The following TMEM232 variants were observed in gnomAD, a reference collection of about 807,000 sequenced individuals.
TMEM232 encodes transmembrane protein 232.
TMEM232 carries 80 observed loss-of-function variants against 78.8 expected under a neutral mutation model. The observed-to-expected ratio is 1.01, with a 90% CI of 0.85 to 1.22. The LOEUF (loss-of-function observed/expected upper bound fraction) is 1.22. Among genes scored for constraint, TMEM232 ranks in the 50% most tolerant of loss-of-function variants. The pLI is 0.00. For missense variants in TMEM232, 881 were observed against 742.2 expected, an observed-to-expected ratio of 1.19 and a Z score of -2.17; for synonymous variants, 297 against 254.3, an observed-to-expected ratio of 1.17 and a Z score of -1.60.
chr5:110,630,797 G>T (rs950803865), intron 5 of TMEM232, among the ~76,000 whole-genome samples: 1 of 152,068 alleles, frequency 6.6e-6, no homozygotes, highest in Non-Finnish European at 1.5e-5. Flanking sequence ...AACACATAGG[G>T]GCTTGCTATT....
intron 1 of TMEM232, among the ~76,000 whole-genome samples, chr5:110,718,568 G>A (rs551109802): frequency 1.3e-5 from 2 of 152,164 alleles, no homozygotes; most frequent in African/African-American, 2.4e-5. Context: ...AAACGTCTGA[G>A]AGTGGATTTC....
At chr5:110,522,869 T>C (rs1337301645) in intron 12 of TMEM232, among the ~76,000 whole-genome samples, 1 of 152,154 alleles carries the variant, frequency 6.6e-6, no homozygotes, top group African/African-American at 2.4e-5. Flanking sequence ...TATTGGTGTA[T>C]AATTCTCCTG....
chr5:110,569,620 C>A (rs1776715133), intron 10 of TMEM232, among the ~76,000 whole-genome samples: 1 of 151,788 alleles, frequency 6.6e-6, no homozygotes, highest in Non-Finnish European at 1.5e-5. Flanking sequence ...ATGATTATTG[C>A]CCTTCTTGAA....
At chr5:110,524,534 T>C (rs1303613636) in intron 12 of TMEM232, among the ~76,000 whole-genome samples, 1 of 152,182 alleles carries the variant, frequency 6.6e-6, no homozygotes, top group Non-Finnish European at 1.5e-5. Context: ...TCTATCTTTT[T>C]GAATTTGTTA....
intron 11 of TMEM232, among the ~76,000 whole-genome samples, chr5:110,533,810 G>C (rs1771914151): frequency 6.6e-6 from 1 of 152,048 alleles, no homozygotes; most frequent in Admixed American, 6.6e-5. Context: ...ATCACACTTA[G>C]TTTATTAATG....
At chr5:110,564,776 G>A (rs1034965339) in intron 11 of TMEM232, among the ~76,000 whole-genome samples, 1 of 151,968 alleles carries the variant, frequency 6.6e-6, no homozygotes, top group Admixed American at 6.6e-5. Context: ...GGAATGCCAA[G>A]TGCTGGACCT....
chr5:110,412,574 T>C (rs1756039015), intron 2 of TMEM232, among the ~76,000 whole-genome samples: 1 of 152,068 alleles, frequency 6.6e-6, no homozygotes, highest in Admixed American at 6.6e-5. Context: ...ACTCTTTTTT[T>C]TTTTTATCAG....
At chr5:110,490,588 A>C (rs1173195904) in intron 12 of TMEM232, among the ~76,000 whole-genome samples, 1 of 152,092 alleles carries the variant, frequency 6.6e-6, no homozygotes, top group Non-Finnish European at 1.5e-5. Context: ...AACTTTGAAG[A>C]CTCTACACTT....
upstream of TMEM232, among the ~76,000 whole-genome samples, chr5:110,729,934 C>A (rs994108681): frequency 2.0e-5 from 3 of 152,198 alleles, no homozygotes; most frequent in Non-Finnish European, 4.4e-5. Flanking sequence ...AGCCTTCCAA[C>A]GCAATGACTG....
At chr5:110,619,161 A>G (rs1783323902) in intron 7 of TMEM232, among the ~76,000 whole-genome samples, 1 of 152,132 alleles carries the variant, frequency 6.6e-6, no homozygotes, top group Admixed American at 6.5e-5. Flanking sequence ...CACTCTCTGA[A>G]TTTTTGCCAA....
At chr5:110,449,188 T>A (rs895541719) in intron 12 of TMEM232, among the ~76,000 whole-genome samples, 2 of 152,084 alleles carry the variant, frequency 1.3e-5, no homozygotes, top group African/African-American at 2.4e-5. Flanking sequence ...AGGGTAATTT[T>A]ATATTGAAAA....
At chr5:110,680,224 C>T (rs1449960024) in intron 1 of TMEM232, among the ~76,000 whole-genome samples, 2 of 151,678 alleles carry the variant, frequency 1.3e-5, no homozygotes, top group African/African-American at 4.8e-5. Flanking sequence ...CATGGTGAAA[C>T]CCCTTCTCTA....
At chr5:110,396,632 T>A (rs193298518) in intron 3 of TMEM232, among the ~76,000 whole-genome samples, 13 of 152,128 alleles carry the variant, frequency 8.5e-5, no homozygotes, top group Non-Finnish European at 1.8e-4. Context: ...ATCAGTGATA[T>A]GTGATAAATA....
chr5:110,562,172 C>G (rs1039235719), intron 11 of TMEM232, among the ~76,000 whole-genome samples: 2 of 152,010 alleles, frequency 1.3e-5, no homozygotes, highest in African/African-American at 4.8e-5. Context: ...CAATTAGAAC[C>G]AACAATTTTC....
At chr5:110,472,907 T>C (rs958111060) in intron 12 of TMEM232, among the ~76,000 whole-genome samples, 4 of 151,842 alleles carry the variant, frequency 2.6e-5, no homozygotes, top group Admixed American at 2.6e-4. Context: ...ATCTCTCATA[T>C]GTAAGGAATT....
At chr5:110,697,061 C>A (rs759453091) in intron 1 of TMEM232, among the ~76,000 whole-genome samples, 11 of 152,160 alleles carry the variant, frequency 7.2e-5, no homozygotes, top group Non-Finnish European at 1.2e-4. Flanking sequence ...TACAAGCCTA[C>A]AGTAACCAAA....
chr5:110,727,093 C>G (rs543287607), upstream of TMEM232, among the ~76,000 whole-genome samples: 49 of 152,262 alleles, frequency 3.2e-4, no homozygotes, highest in African/African-American at 1.1e-3. Context: ...AGTGAGTAAA[C>G]AAAGCACCTA....
chr5:110,400,090 G>C (rs1755535950), intron 2 of TMEM232, among the ~76,000 whole-genome samples: 1 of 152,078 alleles, frequency 6.6e-6, no homozygotes, highest in African/African-American at 2.4e-5. Flanking sequence ...CCTTAGCCTT[G>C]TGCTACCATA....
At position 110,594,164 on chromosome 5, in the gene TMEM232, A is replaced by C. The variant is rs541101974; in HGVS notation, c.1276+10945T>G. Among the ~76,000 whole-genome samples the C allele has an allele frequency of 3.0e-4, 45 of 151,956 alleles. 1 individual carries two copies. Among genetic ancestry groups the C allele is most frequent in the African/African-American group, 1.1e-3 (45 of 41,458 alleles). On this transcript the variant is annotated intron_variant, in intron 10 of 13. Coordinates refer to ENST00000455884, the MANE Select transcript of TMEM232 (RefSeq NM_001039763.4). ...GTGCAGCCCACGGAGGGCAAGCAGA[A>C]GCATGGTGGGGCATTGCCTCACCCG...
Sources: gnomAD v4.1 joint callset for allele counts (sites outside exome capture counted in the v4.1 genomes callset) on GRCh38, gnomAD v4.1.1 for gene constraint, MANE v1.5 for transcripts, NCBI Gene and HGNC (gene_info 2026-07-23, HGNC 2026-07-21) for gene names.